The following TACR3 variants were observed in gnomAD, a reference collection of about 807,000 sequenced individuals.
TACR3 encodes tachykinin receptor 3, also known as neuromedin-K receptor.
TACR3 carries 34 observed loss-of-function variants against 35.0 expected under a neutral mutation model. The observed-to-expected ratio is 0.97, with a 90% confidence interval of 0.74 to 1.30. The LOEUF (loss-of-function observed/expected upper bound fraction) is 1.30. Ranked by LOEUF, TACR3 falls within the 50% of genes most tolerant of loss-of-function variation. TACR3 has a pLI of 0.00. For synonymous variants in TACR3, 233 were observed against 221.1 expected (o/e 1.05, Z -0.48); for missense variants, 558 against 591.7 (o/e 0.94, Z 0.59).
At chr4:103,713,860 CA>C (rs1723027152) in intron 1 of TACR3, among the ~76,000 whole-genome samples, 1 of 152,074 alleles carries the variant, frequency 6.6e-6, no homozygotes, top group South Asian at 2.1e-4. Flanking sequence ...GGAAGGATAT[CA>C]GAAAAGTTGG....
chr4:103,700,063 G>C (rs1722613629), intron 1 of TACR3, among the ~76,000 whole-genome samples: 1 of 152,174 alleles, frequency 6.6e-6, no homozygotes, highest in African/African-American at 2.4e-5. Context: ...TCTGTTGAGT[G>C]AGTGAATACA....
intron 3 of TACR3, among the ~76,000 whole-genome samples, chr4:103,636,496 T>A (rs1458221805): frequency 6.6e-6 from 1 of 152,036 alleles, no homozygotes; most frequent in Non-Finnish European, 1.5e-5. Context: ...AAAAGCCTTT[T>A]ATCTCATAAT....
chr4:103,631,444 T>C (rs1725064956), intron 3 of TACR3, among the ~76,000 whole-genome samples: 1 of 152,156 alleles, frequency 6.6e-6, no homozygotes, highest in Non-Finnish European at 1.5e-5. Flanking sequence ...TTATTTTACT[T>C]ATGGCAGAGC....
intron 3 of TACR3, among the ~76,000 whole-genome samples, chr4:103,643,027 A>G (rs1227799074): frequency 1.3e-5 from 2 of 151,790 alleles, no homozygotes; most frequent in Non-Finnish European, 2.9e-5. Flanking sequence ...GATTGTATTC[A>G]TGTCTTACTA....
At position 103,642,617 on chromosome 4, in the gene TACR3, A is replaced by T. The variant is rs147702249; in HGVS notation, c.888+13577T>A. ...TGGGAACTATATGAAAATTGATCTC[A>T]CGGAAGTACAGAGTAGAACGGTGAT... is the stretch of plus-strand genomic sequence containing the variant. On this transcript the variant is annotated intron_variant, in intron 3 of 4. Transcript: ENST00000304883. 3.0e-3 allele frequency among the ~76,000 whole-genome samples: 451 copies of T among 151,886 alleles called. 1 individual carries two copies. Among genetic ancestry groups the T allele is most frequent in the African/African-American group, 0.01 (429 of 41,452 alleles).
chr4:103,637,961 T>A (rs4355395), intron 3 of TACR3, among the ~76,000 whole-genome samples: 16 of 151,782 alleles, frequency 1.1e-4, no homozygotes, highest in Admixed American at 3.3e-4. Flanking sequence ...AATGGAAGAA[T>A]ATTCCATGCT....
intron 1 of TACR3, among the ~76,000 whole-genome samples, chr4:103,716,662 C>G (rs1301099531): frequency 6.6e-6 from 1 of 151,390 alleles, no homozygotes. Context: ...CATTTTGCTA[C>G]AGCTGAACAA....
At chr4:103,674,391 A>G (rs1726122488) in intron 1 of TACR3, among the ~76,000 whole-genome samples, 1 of 151,936 alleles carries the variant, frequency 6.6e-6, no homozygotes, top group Non-Finnish European at 1.5e-5. Flanking sequence ...AAATAACTAT[A>G]AGCTACCAGA....
chr4:103,655,761 T>C (rs1002139890), intron 3 of TACR3, among the ~76,000 whole-genome samples: 6 of 152,048 alleles, frequency 3.9e-5, no homozygotes, highest in African/African-American at 1.2e-4. Context: ...GAAAGATAGA[T>C]GTATATTAGA....
chr4:103,680,486 T>C (rs543504418), intron 1 of TACR3, among the ~76,000 whole-genome samples: 117 of 141,418 alleles, frequency 8.3e-4, no homozygotes, highest in Admixed American at 2.4e-3. Flanking sequence ...TATATATATA[T>C]ACATACATAC....
chr4:103,698,270 C>A (rs1016136612), intron 1 of TACR3, among the ~76,000 whole-genome samples: 1 of 152,012 alleles, frequency 6.6e-6, no homozygotes, highest in Admixed American at 6.6e-5. Context: ...GGTACTATGA[C>A]TTTTAAAAAT....
intron 3 of TACR3, among the ~76,000 whole-genome samples, chr4:103,635,136 G>C (rs1340909124): frequency 1.3e-5 from 2 of 151,884 alleles, no homozygotes; most frequent in South Asian, 2.1e-4. Context: ...ATGAGTAATA[G>C]AGACAAAACT....
chr4:103,631,128 G>A (rs915187916), intron 3 of TACR3, among the ~76,000 whole-genome samples: 3 of 152,110 alleles, frequency 2.0e-5, no homozygotes, highest in African/African-American at 7.2e-5. Context: ...ATTGAACGAT[G>A]AGAACACTGG....
intron 3 of TACR3, among the ~76,000 whole-genome samples, chr4:103,601,360 T>C (rs1046145308): frequency 6.6e-6 from 1 of 152,218 alleles, no homozygotes; most frequent in Non-Finnish European, 1.5e-5. Context: ...CTGAGTCTTT[T>C]AATTGGAGAA....
chr4:103,714,764 A>G (rs1386111653), intron 1 of TACR3, among the ~76,000 whole-genome samples: 1 of 152,158 alleles, frequency 6.6e-6, no homozygotes, highest in South Asian at 2.1e-4. Flanking sequence ...TTAAAAATTT[A>G]GCAGAGTTCA....
chr4:103,699,365 G>A (rs78351120), intron 1 of TACR3, among the ~76,000 whole-genome samples: 18,030 of 152,118 alleles, frequency 0.12, 1,466 homozygotes, highest in East Asian at 0.43. Flanking sequence ...CAGTGGGGAA[G>A]TGGTAGTAAT....
intron 1 of TACR3, among the ~76,000 whole-genome samples, chr4:103,703,194 T>C (rs570821470): frequency 7.2e-5 from 11 of 152,320 alleles, no homozygotes; most frequent in East Asian, 3.9e-4. Context: ...AAAGTGTTCA[T>C]TTTAATTAAT....
chr4:103,633,614 T>C (rs1725116959), intron 3 of TACR3, among the ~76,000 whole-genome samples: 1 of 152,078 alleles, frequency 6.6e-6, no homozygotes. Context: ...TTTTATGACT[T>C]TGTGTCCTCA....
intron 3 of TACR3, among the ~76,000 whole-genome samples, chr4:103,651,265 G>A (rs375014498): frequency 6.6e-6 from 1 of 151,518 alleles, no homozygotes. Context: ...TCTACTTTGT[G>A]TTCTATTGTA....
Sources: gnomAD v4.1 joint callset for allele counts (sites outside exome capture counted in the v4.1 genomes callset) on GRCh38, gnomAD v4.1.1 for gene constraint, MANE v1.5 for transcripts, NCBI Gene and HGNC (gene_info 2026-07-23, HGNC 2026-07-21) for gene names.